The following FCHSD2 variants were observed in gnomAD, a reference collection of about 807,000 sequenced individuals.
FCHSD2 encodes FCH and double SH3 domains 2, also known as F-BAR and double SH3 domains protein 2.
FCHSD2 carries 38 observed loss-of-function variants against 108.1 expected under a neutral mutation model. That is an observed-to-expected ratio of 0.35 (90% CI 0.27 to 0.46). The LOEUF (loss-of-function observed/expected upper bound fraction) is 0.46. Among genes scored for constraint, FCHSD2 ranks in the 20% least tolerant of loss-of-function variants. The pLI, the probability that FCHSD2 is intolerant of heterozygous loss-of-function variation, is 1.00. For missense variants in FCHSD2, 751 were observed against 897.8 expected (o/e 0.84, Z 2.09); for synonymous variants, 279 against 314.7 (o/e 0.89, Z 1.20).
At chr11:72,868,136 G>C in intron 12 of FCHSD2, 110 bp from the exon 13 acceptor site, 1 of 963,958 alleles carries the variant, frequency 1.0e-6, no homozygotes, top group Non-Finnish European at 1.5e-6. Context: ...AAGAAAATGT[G>C]GTACATATAC....
At chr11:72,900,343 T>C (rs1397531464) in intron 10 of FCHSD2, 6 of 1,539,162 alleles carry the variant, frequency 3.9e-6, no homozygotes, top group Non-Finnish European at 4.4e-6. Flanking sequence ...CCAGTAAAGA[T>C]TGCACAAGGA....
At chr11:73,124,412 T>C (rs1179496520) in intron 2 of FCHSD2, among the ~76,000 whole-genome samples, 1 of 151,704 alleles carries the variant, frequency 6.6e-6, no homozygotes, top group Non-Finnish European at 1.5e-5. Flanking sequence ...AGTATAATAA[T>C]AATAATTTTA....
At chr11:73,035,189 T>TGTATGTATGTATATAC (rs1858459980) in intron 3 of FCHSD2, among the ~76,000 whole-genome samples, 1 of 142,182 alleles carries the variant, frequency 7.0e-6, no homozygotes, top group African/African-American at 2.6e-5. Flanking sequence ...TATGTATGTA[T>TGTATGTATGTATATAC]GTATGTATGT....
intron 2 of FCHSD2, among the ~76,000 whole-genome samples, chr11:73,095,966 T>C (rs1186695865): frequency 6.7e-6 from 1 of 148,614 alleles, no homozygotes; most frequent in African/African-American, 2.5e-5. Flanking sequence ...GCTGTAAATT[T>C]GAAAGACACA....
At chr11:72,993,199 C>T (rs1003331856) in intron 5 of FCHSD2, among the ~76,000 whole-genome samples, 12 of 152,118 alleles carry the variant, frequency 7.9e-5, no homozygotes, top group African/African-American at 2.9e-4. Context: ...CAAATCAAAA[C>T]CACAATGAGA....
intron 5 of FCHSD2, among the ~76,000 whole-genome samples, chr11:73,000,560 C>A (rs1479718968): frequency 1.3e-5 from 2 of 152,072 alleles, no homozygotes; most frequent in Non-Finnish European, 1.5e-5. Context: ...TATGTTTAGT[C>A]AAAATGTGTT....
At chr11:72,891,207 G>C (rs10751221) in intron 10 of FCHSD2, among the ~76,000 whole-genome samples, 151,879 of 152,346 alleles carry the variant, frequency 1, 75,707 homozygotes, top group Middle Eastern at 1. Context: ...GTTCAAATTA[G>C]AGGGATGAGC....
chr11:72,873,816 G>C (rs1018764541), intron 12 of FCHSD2, among the ~76,000 whole-genome samples: 3 of 152,082 alleles, frequency 2.0e-5, no homozygotes, highest in Non-Finnish European at 4.4e-5. Flanking sequence ...CAGCATCCCG[G>C]GTTCCTACGT....
Position 73,079,689 on chromosome 11 carries a change from G to A in FCHSD2, c.165+4006C>T, listed in dbSNP as rs149192643. On this transcript the variant is annotated intron_variant, in intron 3 of 19. Coordinates refer to ENST00000409418, the MANE Select transcript of FCHSD2 (RefSeq NM_014824.3). ...AATGTTTACACAATCAAAAAGAGAGGATAGAAATATCTTTGTCTATATACT... is the reference window on the plus strand; with the variant it reads ...AATGTTTACACAATCAAAAAGAGAGAATAGAAATATCTTTGTCTATATACT... 1.4e-3 allele frequency among the ~76,000 whole-genome samples: 220 copies of A among 152,178 alleles called. 5 individuals carry two copies. In the East Asian group the frequency reaches 0.039, roughly 27 times the overall value.
At chr11:72,963,031 T>C (rs992217575) in intron 8 of FCHSD2, among the ~76,000 whole-genome samples, 10 of 152,072 alleles carry the variant, frequency 6.6e-5, no homozygotes, top group Non-Finnish European at 2.9e-5. Context: ...TGGTTACCTC[T>C]TTGGTAAAAG....
intron 3 of FCHSD2, among the ~76,000 whole-genome samples, chr11:73,051,122 T>C (rs1858888818): frequency 6.6e-6 from 1 of 152,280 alleles, no homozygotes; most frequent in South Asian, 2.1e-4. Context: ...TCAAGACTAG[T>C]CTGGGCTAAC....
At chr11:73,076,937 C>T (rs573099296) in intron 3 of FCHSD2, among the ~76,000 whole-genome samples, 4 of 151,200 alleles carry the variant, frequency 2.6e-5, no homozygotes, top group East Asian at 1.9e-4. Flanking sequence ...GGTGAAACCC[C>T]GTCTCTACTA....
intron 2 of FCHSD2, among the ~76,000 whole-genome samples, chr11:73,099,601 C>T (rs889479831): frequency 6.6e-6 from 1 of 152,138 alleles, no homozygotes; most frequent in African/African-American, 2.4e-5. Context: ...TACATACAAC[C>T]GAGTATTATC....
chr11:73,065,789 C>T (rs1859275995), intron 3 of FCHSD2, among the ~76,000 whole-genome samples: 1 of 152,148 alleles, frequency 6.6e-6, no homozygotes, highest in African/African-American at 2.4e-5. Context: ...AGGAATCCAA[C>T]TTACAAGGGA....
chr11:72,977,485 T>A (rs1323302566), intron 8 of FCHSD2, among the ~76,000 whole-genome samples: 1 of 151,734 alleles, frequency 6.6e-6, no homozygotes, highest in Non-Finnish European at 1.5e-5. Flanking sequence ...AACAACTCTA[T>A]AGGAAAAAAA....
At chr11:73,033,279 T>G (rs1275904071) in intron 3 of FCHSD2, among the ~76,000 whole-genome samples, 1 of 144,110 alleles carries the variant, frequency 6.9e-6, no homozygotes, top group Non-Finnish European at 1.6e-5. Context: ...CAGAGCGAGA[T>G]TCCGACTCAA....
At chr11:73,004,622 G>A (rs1401719248) in intron 4 of FCHSD2, among the ~76,000 whole-genome samples, 1 of 151,876 alleles carries the variant, frequency 6.6e-6, no homozygotes, top group African/African-American at 2.4e-5. Context: ...TTTTACCCTT[G>A]CCTCTTTCTC....
chr11:72,993,095 A>G (rs1482501731), intron 5 of FCHSD2, among the ~76,000 whole-genome samples: 4 of 152,100 alleles, frequency 2.6e-5, no homozygotes, highest in South Asian at 4.2e-4. Context: ...AAAAGTGGGC[A>G]AAGGATATGA....
At chr11:72,888,707 C>A (rs905813488) in intron 11 of FCHSD2, among the ~76,000 whole-genome samples, 1 of 151,764 alleles carries the variant, frequency 6.6e-6, no homozygotes, top group Non-Finnish European at 1.5e-5. Flanking sequence ...TAACCTCCAC[C>A]TCCCGGGCTC....
Sources: allele counts gnomAD v4.1 joint callset (sites outside exome capture counted in the v4.1 genomes callset), GRCh38; gene constraint gnomAD v4.1.1; transcripts MANE v1.5; gene names NCBI Gene and HGNC (gene_info 2026-07-23, HGNC 2026-07-21).